The following CRYBG2 variants were observed in gnomAD, a reference collection of about 807,000 sequenced individuals.
CRYBG2 encodes crystallin beta-gamma domain containing 2, also known as beta/gamma crystallin domain-containing protein 2.
CRYBG2 carries 106 observed loss-of-function variants against 153.4 expected under a neutral mutation model. That is an observed-to-expected ratio of 0.69 (90% CI 0.59 to 0.81). CRYBG2 has a LOEUF of 0.81. Ranked by LOEUF, CRYBG2 falls within the 30% of genes least tolerant of loss-of-function variation. The pLI is 0.00. For missense variants in CRYBG2, 1,996 were observed against 2,112.0 expected (o/e 0.95, Z 1.08); for synonymous variants, 851 against 877.8 (o/e 0.97, Z 0.54).
intron 5 of CRYBG2, among the ~76,000 whole-genome samples, chr1:26,339,810 A>G (rs2074108745): frequency 6.6e-6 from 1 of 152,130 alleles, no homozygotes; most frequent in Non-Finnish European, 1.5e-5. Context: ...CCCCAAGTCC[A>G]TTTAGCCAAG....
rs2074053367 is a variant in CRYBG2 at position 26,336,268 on chromosome 1, G to A, written c.4072-61C>T. On this transcript the variant is annotated intron_variant, in intron 13 of 19. Transcript: ENST00000308182. The surrounding 1 kb of genome is among the most constrained non-coding windows in gnomAD (Gnocchi z 4.9). ...CGATGGAGTGGGGCCGAGAACAGCGGGGAGGGGAAAGGTCCGAAATGAGGG... is the reference window on the plus strand; with the variant it reads ...CGATGGAGTGGGGCCGAGAACAGCGAGGAGGGGAAAGGTCCGAAATGAGGG... 6.2e-7 allele frequency: 1 copy of A among 1,600,568 alleles called. No individual in the cohort carries two copies. Among genetic ancestry groups the A allele is most frequent in the African/African-American group, 1.3e-5 (1 of 74,526 alleles).
Position 26,345,799 on chromosome 1 carries a change from CTT to C in CRYBG2, c.857_858del (p.Lys286ArgfsTer18). ...CCTGTAGAGGCCAGGGCAGAGCTGT[CTT>C]TAAGCTCTGCTGTCCCGGTCTCAGG... is the stretch of plus-strand genomic sequence containing the variant. ...QLPETGTAEL[K>X]DSSALASTGI... On this transcript the variant is annotated frameshift_variant, in exon 2 of 20. Transcript: ENST00000308182. LOFTEE classifies it high-confidence loss of function. 1 of 1,596,578 alleles carries C rather than the reference CTT, an allele frequency of 6.3e-7. No individual in the cohort carries two copies. Among genetic ancestry groups the C allele is most frequent in the East Asian group, 2.2e-5 (1 of 44,836 alleles).
chr1:26,341,299 C>T (rs113136679), intron 5 of CRYBG2, among the ~76,000 whole-genome samples: 37,069 of 151,012 alleles, frequency 0.25, 4,951 homozygotes, highest in Non-Finnish European at 0.3. Flanking sequence ...CGAGATCATA[C>T]CACTGCACTC....
At chr1:26,335,215 G>T (rs2074040257) in intron 14 of CRYBG2, among the ~76,000 whole-genome samples, 1 of 151,876 alleles carries the variant, frequency 6.6e-6, no homozygotes, top group Non-Finnish European at 1.5e-5. Flanking sequence ...AGTGGCTCAC[G>T]CCTGTAATCC....
At chr1:26,339,194 T>C in intron 6 of CRYBG2, 96 bp downstream of exon 6, 1 of 1,486,198 alleles carries the variant, frequency 6.7e-7, no homozygotes, top group Non-Finnish European at 9.0e-7. Context: ...GACTGAGCAC[T>C]CCTGAAGGCA....
intron 7 of CRYBG2, 50 bp downstream of exon 7, chr1:26,338,301 C>T (rs763728159): frequency 1.3e-6 from 2 of 1,539,294 alleles, no homozygotes; most frequent in East Asian, 2.3e-5. Context: ...TACTTGGGAC[C>T]AGGGGCAGAG....
At chr1:26,352,795 C>G (rs1369046834) in intron 1 of CRYBG2, among the ~76,000 whole-genome samples, 1 of 151,018 alleles carries the variant, frequency 6.6e-6, no homozygotes, top group East Asian at 2.0e-4. Flanking sequence ...CTCCACCCCC[C>G]TTCCCTCTCT....
At position 26,344,924 on chromosome 1, in the gene CRYBG2, G is replaced by C. The variant is rs1161763123; in HGVS notation, c.1734C>G (p.Thr578=). The change falls in exon 2 of 20, where the codon ACC becomes ACG. Residue 578 remains threonine (T), a synonymous_variant. Coordinates refer to ENST00000308182, the MANE Select transcript of CRYBG2 (RefSeq NM_001039775.4). ...CAGGGCCCTTCACAACCTCTTTTGG[G>C]GTGGTGGACAAGGCAGCAGGAGCAC... ...GSGAPAALST[T]PKEVVKGPGA... 1.6e-5 allele frequency: 25 copies of C among 1,535,946 alleles called. No homozygotes were observed. The highest frequency in any genetic ancestry group is 2.2e-5 in the Non-Finnish European group (25 of 1,148,158).
intron 15 of CRYBG2, among the ~76,000 whole-genome samples, chr1:26,329,325 C>T (rs1361145255): frequency 6.6e-6 from 1 of 151,384 alleles, no homozygotes; most frequent in South Asian, 2.1e-4. Context: ...TACAGGCACG[C>T]ACCACCATCC....
At position 26,336,802 on chromosome 1, in the gene CRYBG2, G is replaced by T. The variant is rs765991580; in HGVS notation, c.3911+39C>A. The stretch of plus-strand genomic sequence containing the variant: ...CCTCTCCTGGAACCGCCCCCGGCTC[G>T]CCCGGGCCCGCCCCGCTCCCGGAGC... On this transcript the variant is annotated intron_variant, in intron 11 of 19. Transcript: ENST00000308182. The surrounding 1 kb of genome is among the most constrained non-coding windows in gnomAD (Gnocchi z 4.9). The T allele has an allele frequency of 9.0e-6, 14 of 1,549,752 alleles. No individual in the cohort carries two copies. The highest frequency in any genetic ancestry group is 2.4e-5 in the South Asian group (2 of 84,172).
In CRYBG2 at chr1:26,344,940, G is replaced by C. The variant is rs1440926490; in HGVS notation, c.1718C>G (p.Ala573Gly). 6.5e-7 allele frequency: 1 copy of C among 1,538,964 alleles called. No homozygotes were observed. Among genetic ancestry groups the C allele is most frequent in the Non-Finnish European group, 8.7e-7 (1 of 1,149,222 alleles). Residue 573 changes from alanine to glycine, a missense_variant, in exon 2 of 20, where the codon GCT (alanine) becomes GGT (glycine). Transcript: ENST00000308182. Reference sequence around the variant, plus strand: ...CTCTTTTGGGGTGGTGGACAAGGCAGCAGGAGCACCAGACCCCTGCACCAC... The same window carrying C: ...CTCTTTTGGGGTGGTGGACAAGGCACCAGGAGCACCAGACCCCTGCACCAC... ...KEVVQGSGAP[A>G]ALSTTPKEVV...
At chr1:26,351,615 TGA>T (rs2074287988) in intron 1 of CRYBG2, among the ~76,000 whole-genome samples, 1 of 152,174 alleles carries the variant, frequency 6.6e-6, no homozygotes, top group East Asian at 1.9e-4. Flanking sequence ...CGGCCGATCA[TGA>T]GATCAGATAT....
chr1:26,344,121 T>A lies in CRYBG2; in HGVS notation c.2537A>T (p.Gln846Leu). ...NPYLSDDEKL[Q>L]RRQEKAGPSP... ...GGGCCCAGCTTTCTCCTGCCTGCGCTGGAGCTTCTCATCGTCACTCAGATA... is the reference window on the plus strand; with the variant it reads ...GGGCCCAGCTTTCTCCTGCCTGCGCAGGAGCTTCTCATCGTCACTCAGATA... The change falls in exon 2 of 20, where the codon CAG becomes CTG. Residue 846 changes from glutamine (Q) to leucine (L), a missense_variant. By Grantham distance (113) the Gln-to-Leu change is moderately radical. Transcript: ENST00000308182. 6.5e-7 allele frequency: 1 copy of A among 1,536,136 alleles called. No homozygotes were observed. The highest frequency in any genetic ancestry group is 8.7e-7 in the Non-Finnish European group (1 of 1,146,872).
At position 26,344,695 on chromosome 1, in the gene CRYBG2, G is replaced by A; in HGVS notation, c.1963C>T (p.Leu655Phe). The change falls in exon 2 of 20, where the codon CTT (leucine) becomes TTT (phenylalanine). Residue 655 changes from leucine to phenylalanine, a missense_variant. Physicochemically the swap from Leu to Phe is conservative, Grantham distance 22. Coordinates refer to ENST00000308182, the MANE Select transcript of CRYBG2 (RefSeq NM_001039775.4). ...KEAVQGIAGS[L>F]APPLTKEETV... is the part of the protein sequence containing the mutation. ...TCTTCCTTGGTGAGGGGCGGGGCAA[G>A]GCTGCCTGCAATACCCTGGACAGCC... 2.0e-6 allele frequency: 3 copies of A among 1,533,178 alleles called. No individual in the cohort carries two copies. Among genetic ancestry groups the A allele is most frequent in the Non-Finnish European group, 2.6e-6 (3 of 1,144,978 alleles). 95.0% of individuals were successfully genotyped at this position (1,533,178 alleles called of 1,614,324 possible).
At chr1:26,328,591 G>T in intron 16 of CRYBG2, 143 bp downstream of exon 16, 2 of 1,306,426 alleles carry the variant, frequency 1.5e-6, no homozygotes, top group Non-Finnish European at 1.0e-6. Flanking sequence ...TTCTCAGTCC[G>T]CACTTCTCCC....
chr1:26,346,574 G>C lies in CRYBG2; in HGVS notation c.84C>G (p.Thr28=). 1 of 1,604,550 alleles carries C rather than the reference G, an allele frequency of 6.2e-7. No homozygotes were observed. The highest frequency in any genetic ancestry group is 8.5e-7 in the Non-Finnish European group (1 of 1,175,716). ...GAAAACCATGTTTGATCTCTTCCTG[G>C]GTGGGGGGCCGCTGCCGCCATGTCA... ...ATLTWRQRPP[T]QEEIKHGFHK... The change falls in exon 2 of 20, where the codon ACC becomes ACG. Residue 28 remains threonine (T), a synonymous_variant. Transcript: ENST00000308182. This position sits in a 1 kb window ranked among gnomAD's most constrained non-coding sequence, Gnocchi z 4.9.
intron 8 of CRYBG2, 130 bp from the exon 9 acceptor site, chr1:26,337,804 C>T (rs1298762010): frequency 8.0e-6 from 11 of 1,371,060 alleles, no homozygotes; most frequent in Non-Finnish European, 9.9e-6. Context: ...ACTCCATCCC[C>T]TTACCCAATT....
At chr1:26,330,039 G>A (rs778459341) in intron 15 of CRYBG2, among the ~76,000 whole-genome samples, 4 of 152,170 alleles carry the variant, frequency 2.6e-5, no homozygotes, top group Admixed American at 6.6e-5. Context: ...CCGGCCCAAA[G>A]TGCTAGAATT....
In CRYBG2 at chr1:26,333,018, A is replaced by C; in HGVS notation, c.4185-1400T>G. ...GTGGATGAACACACCAAACCCCAAAAAAAAAAAAAAAAAAAAAAAAAAAAA... is the reference window on the plus strand; with the variant it reads ...GTGGATGAACACACCAAACCCCAAACAAAAAAAAAAAAAAAAAAAAAAAAA... On this transcript the variant is annotated intron_variant, in intron 14 of 19. Coordinates refer to ENST00000308182, the MANE Select transcript of CRYBG2 (RefSeq NM_001039775.4). Among the ~76,000 whole-genome samples the C allele has an allele frequency of 3.4e-5, 3 of 88,678 alleles. No homozygotes were observed. In the Admixed American group the frequency reaches 3.4e-4, roughly 10 times the overall value. The allele number at this position is 88,678 out of a possible 152,430, so 58.2% of individuals were successfully genotyped here. A position where few individuals can be genotyped will look rare whatever the true frequency, so the allele number is the denominator to read the frequency against.
Sources: gnomAD v4.1 joint callset for allele counts (sites outside exome capture counted in the v4.1 genomes callset) on GRCh38, gnomAD v4.1.1 for gene constraint, Gnocchi (gnomAD v3.1) non-coding constraint, MANE v1.5 for transcripts, NCBI Gene and HGNC (gene_info 2026-07-23, HGNC 2026-07-21) for gene names.